The following SV2C variants were observed in gnomAD, a reference collection of about 807,000 sequenced individuals.
SV2C encodes solute carrier family 22 member B3.
SV2C carries 49 observed loss-of-function variants against 79.7 expected under a neutral mutation model. That is an observed-to-expected ratio of 0.61 (90% CI 0.49 to 0.78). SV2C has a LOEUF of 0.78. SV2C is among the 30% of genes least tolerant of loss of function. The pLI is 0.00. For missense variants in SV2C, 833 were observed against 912.9 expected (o/e 0.91, Z 1.13); for synonymous variants, 334 against 333.2 (o/e 1.00, Z -0.03).
chr5:76,276,638 C>CTT (rs1188116727), intron 4 of SV2C, among the ~76,000 whole-genome samples: 1,996 of 137,528 alleles, frequency 0.015, 38 homozygotes, highest in African/African-American at 0.05. Flanking sequence ...TTTTCTTTTT[C>CTT]TTTTTTTTTT....
chr5:76,244,271 T>A (rs1745880155), intron 4 of SV2C, among the ~76,000 whole-genome samples: 1 of 152,206 alleles, frequency 6.6e-6, no homozygotes, highest in Non-Finnish European at 1.5e-5. Flanking sequence ...GCTGGCCACA[T>A]GTAGGATATC....
At chr5:75,895,938 G>C in the SV2C span, among the ~76,000 whole-genome samples, 1 of 152,000 alleles carries the variant, frequency 6.6e-6, no homozygotes, top group Admixed American at 6.6e-5. Flanking sequence ...ATCTTATAAA[G>C]ATAGAACTGT....
intron 12 of SV2C, among the ~76,000 whole-genome samples, chr5:76,352,692 C>G (rs1434985619): frequency 2.0e-5 from 3 of 152,186 alleles, no homozygotes; most frequent in African/African-American, 7.2e-5. Flanking sequence ...ACAAAACAGA[C>G]TAAGACAAAA....
intron 1 of SV2C, among the ~76,000 whole-genome samples, chr5:76,091,397 C>A (rs1747370987): frequency 2.0e-5 from 3 of 152,194 alleles, no homozygotes; most frequent in African/African-American, 7.2e-5. Context: ...TTCTGTAGTT[C>A]TTGTCTCCTG....
At chr5:76,254,552 G>A (rs1432130648) in intron 4 of SV2C, among the ~76,000 whole-genome samples, 3 of 152,080 alleles carry the variant, frequency 2.0e-5, no homozygotes, top group Non-Finnish European at 4.4e-5. Context: ...GGTAACATCT[G>A]ACATAGATAT....
the SV2C span, among the ~76,000 whole-genome samples, chr5:75,895,797 C>T: frequency 6.6e-6 from 1 of 152,016 alleles, no homozygotes; most frequent in Non-Finnish European, 1.5e-5. Flanking sequence ...AGCTTGGGGG[C>T]TCTGTCTTGA....
At chr5:75,914,834 T>C in the SV2C span, among the ~76,000 whole-genome samples, 1 of 152,212 alleles carries the variant, frequency 6.6e-6, no homozygotes, top group Non-Finnish European at 1.5e-5. Flanking sequence ...TATTAGTCTG[T>C]TCTCATGCTG....
intron 2 of SV2C, 87 bp downstream of exon 2, chr5:76,132,417 T>C: frequency 7.7e-7 from 1 of 1,302,724 alleles, no homozygotes; most frequent in Non-Finnish European, 1.0e-6. Context: ...ATACTTTTCA[T>C]CTAGAGTACT....
chr5:75,872,837 C>A, the SV2C span, among the ~76,000 whole-genome samples: 1 of 151,506 alleles, frequency 6.6e-6, no homozygotes, highest in Non-Finnish European at 1.5e-5. Context: ...TGCAGCACAC[C>A]AACATGGCAC....
At chr5:76,059,356 T>C in the SV2C span, among the ~76,000 whole-genome samples, 1 of 152,152 alleles carries the variant, frequency 6.6e-6, no homozygotes, top group African/African-American at 2.4e-5. Context: ...TAGAACTTCT[T>C]TCAAAACTGA....
chr5:76,280,877 C>T (rs560530997), intron 4 of SV2C: 16 of 462,630 alleles, frequency 3.5e-5, no homozygotes, highest in South Asian at 2.4e-4. Context: ...GTTGTTCTGA[C>T]CCAAGTTCAG....
intron 4 of SV2C, among the ~76,000 whole-genome samples, chr5:76,268,271 T>A (rs1294830017): frequency 6.6e-6 from 1 of 152,132 alleles, no homozygotes; most frequent in African/African-American, 2.4e-5. Context: ...GCAAGTTTTC[T>A]TATTGAGAGG....
the SV2C span, among the ~76,000 whole-genome samples, chr5:76,030,289 T>TTTTTTTTTTTTTTTTATTTATTTATTTA: frequency 8.5e-6 from 1 of 117,874 alleles, no homozygotes; most frequent in African/African-American, 3.9e-5. Context: ...TTTTTTTTTT[T>TTTTTTTTTTTTTTTTATTTATTTATTTA]TTTATTTATT....
the SV2C span, among the ~76,000 whole-genome samples, chr5:76,025,173 G>GTT: frequency 5.7e-3 from 793 of 138,424 alleles, 5 homozygotes; most frequent in East Asian, 0.035. Context: ...CCTTGAGCAC[G>GTT]TTTTTTTTTT....
At chr5:75,910,844 A>G in the SV2C span, 2 of 1,255,248 alleles carry the variant, frequency 1.6e-6, no homozygotes, top group Non-Finnish European at 2.3e-6. Flanking sequence ...CTACAGGGAA[A>G]TGAGCAAGCT....
At chr5:75,980,569 T>C in the SV2C span, among the ~76,000 whole-genome samples, 5 of 152,022 alleles carry the variant, frequency 3.3e-5, no homozygotes, top group Non-Finnish European at 5.9e-5. Flanking sequence ...CATACACAAA[T>C]CAATACATGT....
At chr5:75,923,708 G>T in the SV2C span, among the ~76,000 whole-genome samples, 1 of 152,054 alleles carries the variant, frequency 6.6e-6, no homozygotes, top group Non-Finnish European at 1.5e-5. Context: ...AAACCACAAT[G>T]AAATACCACC....
the SV2C span, among the ~76,000 whole-genome samples, chr5:75,953,372 A>G: frequency 1.3e-5 from 2 of 151,964 alleles, no homozygotes; most frequent in East Asian, 3.9e-4. Flanking sequence ...CATCCAAACT[A>G]CAGGAATCCC....
chr5:76,120,302 G>T (rs974330029), intron 1 of SV2C, among the ~76,000 whole-genome samples: 80 of 149,438 alleles, frequency 5.4e-4, no homozygotes, highest in Non-Finnish European at 6.7e-4. Flanking sequence ...TTTCAGCTAC[G>T]CATCAAAGAT....
Sources: gnomAD v4.1 joint callset for allele counts (sites outside exome capture counted in the v4.1 genomes callset) on GRCh38, gnomAD v4.1.1 for gene constraint, MANE v1.5 for transcripts, NCBI Gene and HGNC (gene_info 2026-07-23, HGNC 2026-07-21) for gene names.